The following TCF4 variants were observed in gnomAD, a reference collection of about 807,000 sequenced individuals.
TCF4 encodes SL3-3 enhancer factor 2.
In TCF4, 3 loss-of-function variants were observed where a neutral mutation model predicts 82.1. The observed-to-expected ratio is 0.04, with a 90% CI of 0.02 to 0.09. TCF4 has a LOEUF of 0.09. Ranked by LOEUF, TCF4 falls within the 10% of genes least tolerant of loss-of-function variation. TCF4 has a pLI of 1.00. For synonymous variants in TCF4, 276 were observed against 309.6 expected, an observed-to-expected ratio of 0.89 and a Z score of 1.14; for missense variants, 518 against 852.7, an observed-to-expected ratio of 0.61 and a Z score of 4.89.
At chr18:55,500,529 G>C (rs765254745) in intron 3 of TCF4, among the ~76,000 whole-genome samples, 2 of 152,160 alleles carry the variant, frequency 1.3e-5, no homozygotes, top group Non-Finnish European at 2.9e-5. Flanking sequence ...ACTATTTAAT[G>C]AGTCATTCAG....
At chr18:55,258,781 C>T (rs926879782) in intron 13 of TCF4, among the ~76,000 whole-genome samples, 1 of 152,158 alleles carries the variant, frequency 6.6e-6, no homozygotes, top group African/African-American at 2.4e-5. Context: ...GGGTTACTGA[C>T]AATTGAAATC....
chr18:55,277,883 G>A (rs1248080017), intron 9 of TCF4, among the ~76,000 whole-genome samples: 1 of 152,148 alleles, frequency 6.6e-6, no homozygotes, highest in African/African-American at 2.4e-5. Flanking sequence ...TCACAAAACA[G>A]GGGACTGATG....
At chr18:55,588,291 C>T, upstream of TCF4, 2 of 1,445,492 alleles carry the variant, frequency 1.4e-6, no homozygotes, top group Non-Finnish European at 1.8e-6. Flanking sequence ...CGCCGAGGCG[C>T]ACGGAATTGC....
At chr18:55,588,606 C>G, upstream of TCF4, 1 of 1,502,596 alleles carries the variant, frequency 6.7e-7, no homozygotes, top group Non-Finnish European at 8.9e-7. Context: ...ACTCTCGTTC[C>G]CTCTCACTCA....
chr18:55,586,560 AG>A (rs2097652276), intron 2 of TCF4, among the ~76,000 whole-genome samples: 1 of 152,246 alleles, frequency 6.6e-6, no homozygotes, highest in Admixed American at 6.5e-5. Context: ...AGATGTAACT[AG>A]GAGGTAAGAT....
rs1020731937 is a variant in TCF4 at position 55,323,557 on chromosome 18, T to C, written c.549+26802A>G. ...TTTATTCGGAAGGTCCCCAGAGGTT[T>C]GTGTAAACAGTACTTGAATTATAAT... On this transcript the variant is annotated intron_variant, in intron 8 of 19. Transcript: ENST00000354452. Among the ~76,000 whole-genome samples the C allele has an allele frequency of 2.6e-5, 4 of 152,236 alleles. No homozygotes were observed. The East Asian group carries it at 7.7e-4, about 29-fold the overall frequency.
intron 3 of TCF4, among the ~76,000 whole-genome samples, chr18:55,564,927 T>C (rs1399089963): frequency 6.6e-6 from 1 of 152,152 alleles, no homozygotes; most frequent in African/African-American, 2.4e-5. Flanking sequence ...AATAACCAGA[T>C]GATAACAACT....
At chr18:55,403,362 T>A (rs959116772) in intron 6 of TCF4, 92 bp downstream of exon 6, 20 of 1,427,538 alleles carry the variant, frequency 1.4e-5, no homozygotes, top group African/African-American at 4.2e-5. Flanking sequence ...ATCTTTGGTG[T>A]CACAGTTTAA....
chr18:55,514,980 G>A (rs1270659130), intron 3 of TCF4, among the ~76,000 whole-genome samples: 1 of 152,058 alleles, frequency 6.6e-6, no homozygotes, highest in Non-Finnish European at 1.5e-5. Context: ...TAATAAACAT[G>A]CTCATTTGAT....
intron 8 of TCF4, among the ~76,000 whole-genome samples, chr18:55,310,956 G>C (rs1040695578): frequency 6.6e-6 from 1 of 152,126 alleles, no homozygotes; most frequent in Admixed American, 6.6e-5. Flanking sequence ...AGGGTATGCA[G>C]ACATGTTGTG....
chr18:55,504,331 AAC>A (rs1245621423), intron 3 of TCF4, among the ~76,000 whole-genome samples: 2 of 152,228 alleles, frequency 1.3e-5, no homozygotes, highest in East Asian at 3.9e-4. Flanking sequence ...GAATGCTCAC[AAC>A]AGTTACATGA....
At chr18:55,474,562 T>C (rs1290010168) in intron 3 of TCF4, among the ~76,000 whole-genome samples, 2 of 152,178 alleles carry the variant, frequency 1.3e-5, no homozygotes, top group Admixed American at 1.3e-4. Flanking sequence ...TCTAAAAGGA[T>C]AATTTATAAT....
intron 5 of TCF4, among the ~76,000 whole-genome samples, chr18:55,453,353 T>A (rs910212419): frequency 1.3e-5 from 2 of 152,204 alleles, no homozygotes; most frequent in Non-Finnish European, 1.5e-5. Context: ...ATTTCTAGAA[T>A]GAGAAAAATT....
intron 5 of TCF4, among the ~76,000 whole-genome samples, chr18:55,420,623 GA>G (rs1023710894): frequency 5.3e-5 from 8 of 152,168 alleles, no homozygotes; most frequent in African/African-American, 1.9e-4. Context: ...ATACATCTGT[GA>G]ATTTGGTGGG....
At chr18:55,354,744 G>A (rs962564350) in intron 6 of TCF4, among the ~76,000 whole-genome samples, 1 of 152,140 alleles carries the variant, frequency 6.6e-6, no homozygotes, top group Non-Finnish European at 1.5e-5. Context: ...ATCAGAGTAC[G>A]ATGAATACTG....
At chr18:55,251,932 T>TTTTTG (rs1555756500) in intron 15 of TCF4, among the ~76,000 whole-genome samples, 2 of 143,340 alleles carry the variant, frequency 1.4e-5, no homozygotes, top group African/African-American at 2.5e-5. Context: ...GGGATGAGGT[T>TTTTTG]TTTTTTTTTT....
chr18:55,402,521 C>T (rs1036176250), intron 6 of TCF4, among the ~76,000 whole-genome samples: 3 of 150,764 alleles, frequency 2.0e-5, no homozygotes, highest in Admixed American at 6.6e-5. Flanking sequence ...ATTTTGTTTG[C>T]GTGAATAATA....
chr18:55,374,993 A>G (rs2090383766), intron 6 of TCF4, among the ~76,000 whole-genome samples: 1 of 151,824 alleles, frequency 6.6e-6, no homozygotes, highest in Non-Finnish European at 1.5e-5. Context: ...TGCATTCAAC[A>G]GGAGCACATA....
chr18:55,339,961 T>C (rs1175168687), intron 8 of TCF4, among the ~76,000 whole-genome samples: 2 of 152,126 alleles, frequency 1.3e-5, no homozygotes, highest in East Asian at 3.9e-4. Context: ...CTGAACTCTG[T>C]TTACTTTATA....
Sources: gnomAD v4.1 joint callset for allele counts (sites outside exome capture counted in the v4.1 genomes callset) on GRCh38, gnomAD v4.1.1 for gene constraint, MANE v1.5 for transcripts, NCBI Gene and HGNC (gene_info 2026-07-23, HGNC 2026-07-21) for gene names.